LMX1B: variants seen among roughly 807,000 people sequenced by gnomAD.
LMX1B encodes LIM homeobox transcription factor 1 beta.
LMX1B carries 12 observed loss-of-function variants against 51.4 expected under a neutral mutation model. That is an observed-to-expected ratio of 0.23 (90% CI 0.15 to 0.38). The LOEUF (loss-of-function observed/expected upper bound fraction) is 0.38, where lower values mean the gene tolerates loss of function less well. LMX1B is among the 10% of genes least tolerant of loss of function. The pLI is 1.00. For missense variants in LMX1B, 445 were observed against 571.1 expected, an observed-to-expected ratio of 0.78 and a Z score of 2.25; for synonymous variants, 237 against 235.4, an observed-to-expected ratio of 1.01 and a Z score of -0.06.
At position 126,691,076 on chromosome 9, in the gene LMX1B, C is replaced by A; in HGVS notation, c.559+8C>A. The A allele has an allele frequency of 6.3e-7, 1 of 1,597,860 alleles. No individual in the cohort carries two copies. The highest frequency in any genetic ancestry group is 8.5e-7 in the Non-Finnish European group (1 of 1,170,994). On this transcript the variant is annotated splice_region_variant and intron_variant, in intron 3 of 7. Transcript: ENST00000373474. ...CCGACGAGTCCGACTCCGGTGAGGC[C>A]TGGCCTGAGCTGGGGGCAGGCCTCA...
Position 126,696,347 on chromosome 9 carries a change from A to G in LMX1B, c.1105A>G (p.Ser369Gly). ...IDSDTSLTSL[S>G]DCFLGSSDVG... Reference sequence around the variant, plus strand: ...CAGCGATACCTCCTTAACCAGCCTCAGCGACTGCTTCCTCGGCTCCTCAGA... The same window carrying G: ...CAGCGATACCTCCTTAACCAGCCTCGGCGACTGCTTCCTCGGCTCCTCAGA... The change falls in exon 8 of 8, where the codon AGC becomes GGC. Residue 369 changes from serine to glycine, a missense_variant. Physicochemically the swap from Ser to Gly is moderately conservative, Grantham distance 56. This residue lies in a region of LMX1B where 162 missense variants were observed against 187.8 expected (regional missense o/e 0.86). Transcript: ENST00000373474. The G allele has an allele frequency of 1.2e-6, 2 of 1,614,046 alleles. No homozygotes were observed. Among genetic ancestry groups the G allele is most frequent in the Non-Finnish European group, 1.7e-6 (2 of 1,179,976 alleles).
At chr9:126,670,692 G>A (rs1383206062) in intron 2 of LMX1B, among the ~76,000 whole-genome samples, 2 of 152,212 alleles carry the variant, frequency 1.3e-5, no homozygotes, top group African/African-American at 2.4e-5. Context: ...GTACCTGGGT[G>A]CTGTGGGTGG....
intron 2 of LMX1B, among the ~76,000 whole-genome samples, chr9:126,629,616 G>C (rs932393771): frequency 6.6e-6 from 1 of 152,314 alleles, no homozygotes; most frequent in Admixed American, 6.5e-5. Context: ...AATGTTGTTT[G>C]TTGAAGAAAT....
At position 126,697,687 on chromosome 9, in the gene LMX1B, C is replaced by CCT. The variant is rs1392197726; in HGVS notation, c.*1239_*1240dup. ...TCACCTCTCCTGCTGTGGCACCCTT[C>CCT]CTCTGTTAATTTGGCCCAAAAGACA... On this transcript the variant is annotated 3_prime_UTR_variant, in exon 8 of 8. Coordinates refer to ENST00000373474, the MANE Select transcript of LMX1B (RefSeq NM_001174147.2). 6.6e-6 allele frequency: 1 copy of CCT among 152,364 alleles called. No homozygotes were observed. Among genetic ancestry groups the CCT allele is most frequent in the Non-Finnish European group, 1.5e-5 (1 of 68,166 alleles). The allele number at this position is 152,364 out of a possible 1,614,324, so 9.4% of individuals were successfully genotyped here. A position where few individuals can be genotyped will look rare whatever the true frequency, so the allele number is the denominator to read the frequency against.
intron 2 of LMX1B, among the ~76,000 whole-genome samples, chr9:126,665,307 GGGCTGGGGC>G (rs1436468467): frequency 1.3e-5 from 2 of 152,240 alleles, no homozygotes; most frequent in Admixed American, 6.5e-5. Flanking sequence ...CCTGGAGCCA[GGGCTGGGGC>G]GGCGGGGGCG....
chr9:126,672,457 T>G (rs542003500), intron 2 of LMX1B, among the ~76,000 whole-genome samples: 1 of 152,242 alleles, frequency 6.6e-6, no homozygotes, highest in East Asian at 1.9e-4. Flanking sequence ...ACTCAGTTTA[T>G]TTTATTTTAT....
chr9:126,654,633 T>C (rs1836079152), intron 2 of LMX1B, among the ~76,000 whole-genome samples: 2 of 152,202 alleles, frequency 1.3e-5, no homozygotes. Context: ...GCCTTCCCCA[T>C]GTGCCCTCTG....
chr9:126,616,613 G>GGT (rs1326092726), intron 2 of LMX1B, among the ~76,000 whole-genome samples: 1 of 152,224 alleles, frequency 6.6e-6, no homozygotes, highest in Non-Finnish European at 1.5e-5. Context: ...CTGCAGAGCG[G>GGT]GTAGGCTGCT....
At position 126,690,855 on chromosome 9, in the gene LMX1B, A is replaced by G. The variant is rs1320925210; in HGVS notation, c.346A>G (p.Ser116Gly). Reference protein sequence around the residue: ...DYQQLFAAKCSGCMEKIAPTE... With the variant: ...DYQQLFAAKCGGCMEKIAPTE... ...CCGCAGGCTCTTCGCGGCCAAGTGC[A>G]GCGGCTGCATGGAGAAGATCGCCCC... Residue 116 changes from serine (S) to glycine (G), a missense_variant, in exon 3 of 8, where the codon AGC becomes GGC. Physicochemically the swap from Ser to Gly is moderately conservative, Grantham distance 56. This residue lies in a region of LMX1B where 273 missense variants were observed against 343.3 expected (regional missense o/e 0.80). Coordinates refer to ENST00000373474, the MANE Select transcript of LMX1B (RefSeq NM_001174147.2). 1 of 1,612,114 alleles carries G rather than the reference A, an allele frequency of 6.2e-7. No homozygotes were observed. The highest frequency in any genetic ancestry group is 8.5e-7 in the Non-Finnish European group (1 of 1,179,688).
At chr9:126,651,646 C>G (rs369741503) in intron 2 of LMX1B, among the ~76,000 whole-genome samples, 4 of 152,116 alleles carry the variant, frequency 2.6e-5, no homozygotes, top group African/African-American at 4.8e-5. Flanking sequence ...CCCTGGGCCC[C>G]GCTCCTCTCC....
chr9:126,691,505 G>A (rs2030130180), intron 3 of LMX1B, among the ~76,000 whole-genome samples: 2 of 152,182 alleles, frequency 1.3e-5, no homozygotes, highest in Admixed American at 1.3e-4. Context: ...GCACACTTGT[G>A]CACTAAACAC....
intron 4 of LMX1B, 83 bp downstream of exon 4, chr9:126,693,406 G>T (rs2030211088): frequency 6.5e-7 from 1 of 1,548,872 alleles, no homozygotes; most frequent in South Asian, 1.1e-5. Flanking sequence ...GCTCCTGCTG[G>T]GGGTAGGGAC....
intron 2 of LMX1B, among the ~76,000 whole-genome samples, chr9:126,638,156 G>T (rs1445815837): frequency 6.6e-6 from 1 of 152,102 alleles, no homozygotes; most frequent in Non-Finnish European, 1.5e-5. Flanking sequence ...AGCCTGAGGA[G>T]CTCCTGGCCC....
At position 126,652,295 on chromosome 9, in the gene LMX1B, A is replaced by AG. The variant is rs1564155548; in HGVS notation, c.326+36726_326+36727insG. On this transcript the variant is annotated intron_variant, in intron 2 of 7. Coordinates refer to ENST00000373474, the MANE Select transcript of LMX1B (RefSeq NM_001174147.2). ...GGAGCAGCAGGAGTCTGAGGAGGAG[A>AG]AGGGGGGGGGGATTTTCTCTTTCTT... 1.2e-3 allele frequency among the ~76,000 whole-genome samples: 98 copies of AG among 85,032 alleles called. 1 individual carries two copies. The highest frequency in any genetic ancestry group is 4.5e-3 in the African/African-American group (94 of 21,098). The allele number at this position is 85,032 out of a possible 152,430, so 55.8% of individuals were successfully genotyped here.
At chr9:126,659,709 G>A (rs1836191031) in intron 2 of LMX1B, among the ~76,000 whole-genome samples, 1 of 151,576 alleles carries the variant, frequency 6.6e-6, no homozygotes, top group Non-Finnish European at 1.5e-5. Context: ...ATCTGGGGGT[G>A]CCTACACTGG....
chr9:126,675,911 T>C (rs1244494158), intron 2 of LMX1B, among the ~76,000 whole-genome samples: 2 of 148,946 alleles, frequency 1.3e-5, no homozygotes, highest in African/African-American at 5.0e-5. Context: ...TAGCCGGGCG[T>C]GGTAGCGGGC....
chr9:126,646,300 T>C (rs1835898875), intron 2 of LMX1B, among the ~76,000 whole-genome samples: 1 of 152,082 alleles, frequency 6.6e-6, no homozygotes, highest in Non-Finnish European at 1.5e-5. Context: ...ACCTACCTAC[T>C]CATCCAGCCA....
At chr9:126,621,291 G>T (rs1395787887) in intron 2 of LMX1B, among the ~76,000 whole-genome samples, 1 of 152,246 alleles carries the variant, frequency 6.6e-6, no homozygotes, top group Non-Finnish European at 1.5e-5. Flanking sequence ...CTGTCAGTCA[G>T]TTGGGGGTGC....
chr9:126,691,430 C>A (rs2030127362), intron 3 of LMX1B, among the ~76,000 whole-genome samples: 1 of 152,150 alleles, frequency 6.6e-6, no homozygotes. Flanking sequence ...ATTCAAAAGC[C>A]ACACCCAGGT....
Sources: allele counts gnomAD v4.1 joint callset (sites outside exome capture counted in the v4.1 genomes callset), GRCh38; gene constraint gnomAD v4.1.1; regional missense constraint gnomAD v4.1.1; transcripts MANE v1.5; gene names NCBI Gene and HGNC (gene_info 2026-07-23, HGNC 2026-07-21).